LAPTM4B: variants seen among roughly 807,000 people sequenced by gnomAD.
LAPTM4B encodes lysosomal protein transmembrane 4 beta.
A neutral mutation model predicts 28.5 loss-of-function variants in LAPTM4B; 26 were observed. The ratio of observed to expected loss-of-function variants is 0.91; its 90% CI spans 0.67 to 1.27. LAPTM4B has a LOEUF of 1.27. LAPTM4B is among the 50% of genes most tolerant of loss of function. LAPTM4B has a pLI of 0.00. For missense variants in LAPTM4B, 288 were observed against 285.8 expected (o/e 1.01, Z -0.06); for synonymous variants, 109 against 106.4 (o/e 1.02, Z -0.15).
intron 6 of LAPTM4B, among the ~76,000 whole-genome samples, chr8:97,848,955 CT>C (rs77895774): frequency 0.17 from 25,783 of 152,180 alleles, 2,295 homozygotes; most frequent in East Asian, 0.23. Context: ...CAAGCTGACA[CT>C]TTTGGAATTG....
At chr8:97,832,249 C>A (rs1280582071) in intron 6 of LAPTM4B, among the ~76,000 whole-genome samples, 3 of 152,184 alleles carry the variant, frequency 2.0e-5, no homozygotes, top group African/African-American at 7.2e-5. Context: ...AAAATAGCTA[C>A]ACTTTTCAAC....
chr8:97,777,400 A>G (rs1265053707), intron 1 of LAPTM4B, among the ~76,000 whole-genome samples: 2 of 151,366 alleles, frequency 1.3e-5, no homozygotes, highest in Admixed American at 6.6e-5. Flanking sequence ...CCCGCCTTGG[A>G]CTCCCAAAGT....
At chr8:97,806,088 T>A (rs1173101375) in intron 2 of LAPTM4B, among the ~76,000 whole-genome samples, 1 of 152,184 alleles carries the variant, frequency 6.6e-6, no homozygotes, top group Admixed American at 6.6e-5. Context: ...TTCGGAGAAC[T>A]TCAAGTGAGT....
intron 6 of LAPTM4B, among the ~76,000 whole-genome samples, chr8:97,827,599 G>T (rs1052598496): frequency 1.3e-5 from 2 of 152,200 alleles, no homozygotes; most frequent in Non-Finnish European, 2.9e-5. Context: ...GTGTTGGAGT[G>T]GGGAGGGGAC....
At chr8:97,789,567 G>A (rs1816466711) in intron 1 of LAPTM4B, among the ~76,000 whole-genome samples, 1 of 142,736 alleles carries the variant, frequency 7.0e-6, no homozygotes, top group African/African-American at 2.6e-5. Flanking sequence ...TGGTCTTATT[G>A]TCCAGGCTGG....
intron 1 of LAPTM4B, among the ~76,000 whole-genome samples, chr8:97,789,303 A>G (rs1017448359): frequency 1.7e-4 from 25 of 147,600 alleles, no homozygotes; most frequent in African/African-American, 6.0e-4. Flanking sequence ...TTGAATCCCT[A>G]CCTTAGGTGA....
At chr8:97,818,673 G>A (rs540772060) in intron 4 of LAPTM4B, among the ~76,000 whole-genome samples, 2 of 152,126 alleles carry the variant, frequency 1.3e-5, no homozygotes, top group African/African-American at 4.8e-5. Flanking sequence ...GTAGGTTTCT[G>A]TCCCTTGCCC....
chr8:97,837,096 G>A (rs1817271134), intron 6 of LAPTM4B, among the ~76,000 whole-genome samples: 1 of 152,024 alleles, frequency 6.6e-6, no homozygotes, highest in Non-Finnish European at 1.5e-5. Flanking sequence ...AACAGGTATT[G>A]CCTGACTAAG....
chr8:97,836,266 C>T (rs527925953), intron 6 of LAPTM4B, among the ~76,000 whole-genome samples: 29 of 152,308 alleles, frequency 1.9e-4, no homozygotes, highest in Admixed American at 9.8e-4. Context: ...CTGCAACCTC[C>T]ACCCCCTGGG....
At chr8:97,783,868 C>T (rs1007576963) in intron 1 of LAPTM4B, among the ~76,000 whole-genome samples, 6 of 152,168 alleles carry the variant, frequency 3.9e-5, no homozygotes, top group Non-Finnish European at 7.3e-5. Context: ...TTCTGTGACT[C>T]CCACGTATGC....
intron 1 of LAPTM4B, among the ~76,000 whole-genome samples, chr8:97,800,861 C>T (rs1232530172): frequency 6.6e-6 from 1 of 152,046 alleles, no homozygotes; most frequent in Non-Finnish European, 1.5e-5. Flanking sequence ...CATTTAATCC[C>T]AGGACTTCGG....
chr8:97,815,243 A>G (rs1483848386), intron 2 of LAPTM4B, 85 bp from the exon 3 acceptor site: 1 of 935,360 alleles, frequency 1.1e-6, no homozygotes, highest in Non-Finnish European at 1.7e-6. Flanking sequence ...TATTTACAAA[A>G]TGCCTTTGAG....
intron 6 of LAPTM4B, among the ~76,000 whole-genome samples, chr8:97,842,344 C>A (rs1314000308): frequency 1.3e-5 from 2 of 151,936 alleles, no homozygotes; most frequent in African/African-American, 4.8e-5. Context: ...TTTACCAACC[C>A]CAGCCTTACT....
At chr8:97,827,976 G>A (rs542069043) in intron 6 of LAPTM4B, among the ~76,000 whole-genome samples, 1 of 152,232 alleles carries the variant, frequency 6.6e-6, no homozygotes, top group East Asian at 1.9e-4. Flanking sequence ...AATAAGCTAA[G>A]ACGGCAGCTA....
At chr8:97,784,103 G>C (rs1428049290) in intron 1 of LAPTM4B, among the ~76,000 whole-genome samples, 1 of 152,170 alleles carries the variant, frequency 6.6e-6, no homozygotes, top group East Asian at 1.9e-4. Flanking sequence ...TAGAGTGATT[G>C]ATAGCTTTCG....
intron 4 of LAPTM4B, 21 bp downstream of exon 4, chr8:97,816,201 T>C: frequency 6.3e-7 from 1 of 1,581,796 alleles, no homozygotes; most frequent in Non-Finnish European, 8.6e-7. Context: ...CTCTTACTGC[T>C]CCTTTTCATT....
At chr8:97,798,518 C>T (rs1468826803) in intron 1 of LAPTM4B, among the ~76,000 whole-genome samples, 3 of 152,062 alleles carry the variant, frequency 2.0e-5, no homozygotes, top group Non-Finnish European at 4.4e-5. Context: ...TCTATCTGGA[C>T]GGCCTCGCGA....
intron 6 of LAPTM4B, among the ~76,000 whole-genome samples, chr8:97,832,419 G>A (rs891962071): frequency 2.0e-5 from 3 of 152,072 alleles, no homozygotes; most frequent in Non-Finnish European, 4.4e-5. Flanking sequence ...GCTTGGTAGC[G>A]GTTGGTCAGT....
At chr8:97,779,111 GT>G (rs1204099173) in intron 1 of LAPTM4B, among the ~76,000 whole-genome samples, 1 of 152,092 alleles carries the variant, frequency 6.6e-6, no homozygotes, top group Non-Finnish European at 1.5e-5. Flanking sequence ...CCCAGCTTGA[GT>G]CCCAGGAGTT....
Sources: allele counts gnomAD v4.1 joint callset (sites outside exome capture counted in the v4.1 genomes callset), GRCh38; gene constraint gnomAD v4.1.1; transcripts MANE v1.5; gene names NCBI Gene and HGNC (gene_info 2026-07-23, HGNC 2026-07-21).